The following RABGAP1L variants were observed in gnomAD, a reference collection of about 807,000 sequenced individuals.
RABGAP1L encodes RAB GTPase activating protein 1 like.
In RABGAP1L, 63 loss-of-function variants were observed where a neutral mutation model predicts 137.7. That is an observed-to-expected ratio of 0.46 (90% confidence interval 0.37 to 0.56). RABGAP1L has a LOEUF of 0.56. RABGAP1L is among the 20% of genes least tolerant of loss of function. RABGAP1L has a pLI of 0.00. For synonymous variants in RABGAP1L, 431 were observed against 433.7 expected (o/e 0.99, Z 0.08); for missense variants, 1,095 against 1,244.0 (o/e 0.88, Z 1.80).
chr1:174,618,981 T>C (rs1490579119), intron 13 of RABGAP1L, among the ~76,000 whole-genome samples: 1 of 152,242 alleles, frequency 6.6e-6, no homozygotes, highest in Non-Finnish European at 1.5e-5. Context: ...ACATGAGAAC[T>C]ACGTGACGAA....
chr1:174,843,482 G>C (rs899553277), intron 19 of RABGAP1L, among the ~76,000 whole-genome samples: 9 of 148,508 alleles, frequency 6.1e-5, no homozygotes, highest in African/African-American at 2.0e-4. Flanking sequence ...GCGGTGTTTG[G>C]TTTTTTGTTC....
At chr1:174,216,346 C>T (rs749248734) in intron 1 of RABGAP1L, among the ~76,000 whole-genome samples, 3 of 152,108 alleles carry the variant, frequency 2.0e-5, no homozygotes, top group Non-Finnish European at 4.4e-5. Context: ...GTGATGGATA[C>T]TCCATTTGCC....
chr1:174,496,628 C>CA (rs1302967900), intron 13 of RABGAP1L, among the ~76,000 whole-genome samples: 2 of 152,140 alleles, frequency 1.3e-5, no homozygotes, highest in Non-Finnish European at 2.9e-5. Flanking sequence ...GTGACCAGGT[C>CA]AAGTGATAAA....
At chr1:174,791,007 A>G (rs1038771191) in intron 18 of RABGAP1L, among the ~76,000 whole-genome samples, 2 of 152,096 alleles carry the variant, frequency 1.3e-5, no homozygotes, top group African/African-American at 4.8e-5. Flanking sequence ...CCTGGCCAAC[A>G]TGGTGAAACC....
chr1:174,637,319 A>G, intron 13 of RABGAP1L, 56 bp from the exon 14 acceptor site: 1 of 1,236,252 alleles, frequency 8.1e-7, no homozygotes, highest in South Asian at 1.3e-5. Context: ...TGTATATATT[A>G]TATTTCATAA....
At chr1:174,651,192 C>G (rs1275331387) in intron 14 of RABGAP1L, among the ~76,000 whole-genome samples, 1 of 151,646 alleles carries the variant, frequency 6.6e-6, no homozygotes, top group Non-Finnish European at 1.5e-5. Context: ...GCACTGTGGT[C>G]TGAGAGACAG....
At chr1:174,923,311 T>G (rs1052491555) in intron 19 of RABGAP1L, among the ~76,000 whole-genome samples, 1 of 152,218 alleles carries the variant, frequency 6.6e-6, no homozygotes, top group East Asian at 1.9e-4. Context: ...TGGAGAAAAC[T>G]GAAATCGACC....
At chr1:174,351,203 G>A (rs1683155561) in intron 11 of RABGAP1L, among the ~76,000 whole-genome samples, 1 of 152,006 alleles carries the variant, frequency 6.6e-6, no homozygotes, top group African/African-American at 2.4e-5. Context: ...TAGTTTACTA[G>A]TTTACAAAGC....
intron 19 of RABGAP1L, among the ~76,000 whole-genome samples, chr1:174,950,113 A>C (rs1250863909): frequency 6.6e-6 from 1 of 152,242 alleles, no homozygotes; most frequent in African/African-American, 2.4e-5. Context: ...AGATGAGATT[A>C]AAACAAGTAC....
At chr1:174,568,925 A>G (rs578106326) in intron 13 of RABGAP1L, among the ~76,000 whole-genome samples, 20 of 152,318 alleles carry the variant, frequency 1.3e-4, no homozygotes, top group African/African-American at 4.8e-4. Context: ...CTGAAGAAAA[A>G]TGTTTACATG....
intron 17 of RABGAP1L, among the ~76,000 whole-genome samples, chr1:174,709,907 A>G (rs908939854): frequency 1.3e-5 from 2 of 152,228 alleles, no homozygotes; most frequent in African/African-American, 4.8e-5. Flanking sequence ...AAGGGAGCCA[A>G]AAACCTTGAT....
intron 18 of RABGAP1L, among the ~76,000 whole-genome samples, chr1:174,804,659 C>G (rs2148834393): frequency 6.6e-6 from 1 of 152,254 alleles, no homozygotes; most frequent in East Asian, 1.9e-4. Context: ...AAGAAGTTAT[C>G]AGATCATTTT....
At chr1:174,921,731 C>T (rs965517253) in intron 19 of RABGAP1L, among the ~76,000 whole-genome samples, 1 of 152,228 alleles carries the variant, frequency 6.6e-6, no homozygotes, top group East Asian at 1.9e-4. Context: ...CATTTACCTT[C>T]TGAACCATGT....
chr1:174,214,850 A>G (rs775992550), intron 1 of RABGAP1L, among the ~76,000 whole-genome samples: 1 of 152,202 alleles, frequency 6.6e-6, no homozygotes, highest in Non-Finnish European at 1.5e-5. Flanking sequence ...AAATACATTG[A>G]AGACTCAAAT....
At chr1:174,519,286 C>T (rs952059259) in intron 13 of RABGAP1L, among the ~76,000 whole-genome samples, 7 of 151,576 alleles carry the variant, frequency 4.6e-5, no homozygotes, top group East Asian at 3.9e-4. Flanking sequence ...TCACAAGTTC[C>T]CACAACAGGC....
intron 13 of RABGAP1L, among the ~76,000 whole-genome samples, chr1:174,553,431 C>G (rs1213975630): frequency 3.9e-5 from 6 of 152,160 alleles, no homozygotes; most frequent in Non-Finnish European, 7.3e-5. Flanking sequence ...CATCCAGTAT[C>G]AATCTTGTGC....
chr1:174,843,825 C>A (rs1693745621), intron 19 of RABGAP1L, among the ~76,000 whole-genome samples: 3 of 131,476 alleles, frequency 2.3e-5, no homozygotes, highest in African/African-American at 8.7e-5. Context: ...AATGGTTGAA[C>A]TGGTTTACAG....
chr1:174,649,895 C>T (rs1190173992), intron 14 of RABGAP1L, among the ~76,000 whole-genome samples: 3 of 152,120 alleles, frequency 2.0e-5, no homozygotes, highest in Non-Finnish European at 4.4e-5. Flanking sequence ...TGAGAGAGGG[C>T]ATCCCTGTCT....
At position 174,784,745 on chromosome 1, in the gene RABGAP1L, A is replaced by G. The variant is rs148272330; in HGVS notation, c.2212-27087A>G. Among the ~76,000 whole-genome samples the G allele has an allele frequency of 7.2e-4, 110 of 152,304 alleles. 1 individual carries two copies. Among genetic ancestry groups the G allele is most frequent in the African/African-American group, 2.5e-3 (102 of 41,570 alleles). On this transcript the variant is annotated intron_variant, in intron 18 of 25. Coordinates refer to ENST00000681986, the MANE Select transcript of RABGAP1L (RefSeq NM_001366446.1). The stretch of plus-strand genomic sequence containing the variant: ...AGGAAGGCAGCCTAGAAATGGGGGT[A>G]AGGGTAGTGTGTGGAGAGCAACGTG...
Sources: gnomAD v4.1 joint callset for allele counts (sites outside exome capture counted in the v4.1 genomes callset) on GRCh38, gnomAD v4.1.1 for gene constraint, MANE v1.5 for transcripts, NCBI Gene and HGNC (gene_info 2026-07-23, HGNC 2026-07-21) for gene names.